The following SPATA31H1 variants were observed in gnomAD, a reference collection of about 807,000 sequenced individuals.
SPATA31H1 encodes SPATA31 subfamily H member 1.
the SPATA31H1 span, among the ~76,000 whole-genome samples, chr2:27,538,133 T>C: frequency 0.016 from 2,365 of 152,250 alleles, 59 homozygotes; most frequent in African/African-American, 0.051. Flanking sequence ...ATTGACAAGT[T>C]AACAGAGGTC....
chr2:27,576,983 A>G, the SPATA31H1 span: 35 of 1,613,990 alleles, frequency 2.2e-5, 1 homozygote, highest in South Asian at 3.8e-4. Flanking sequence ...AGATGATCCC[A>G]CAGCCAAAGT....
chr2:27,539,593 G>A, the SPATA31H1 span, among the ~76,000 whole-genome samples: 1 of 112,742 alleles, frequency 8.9e-6, no homozygotes. Flanking sequence ...CCACAAAACC[G>A]CCATTGTCAT....
At chr2:27,579,356 A>C in the SPATA31H1 span, 1 of 1,614,224 alleles carries the variant, frequency 6.2e-7, no homozygotes, top group East Asian at 2.2e-5. Context: ...TTCAGAATTT[A>C]TTTGGGATTC....
the SPATA31H1 span, chr2:27,571,184 T>G: frequency 2.5e-6 from 1 of 398,456 alleles, no homozygotes; most frequent in Non-Finnish European, 4.4e-6. Context: ...ATGTCAAATC[T>G]ATGACGTTAA....
chr2:27,546,298 A>G, the SPATA31H1 span, among the ~76,000 whole-genome samples: 196 of 152,054 alleles, frequency 1.3e-3, 3 homozygotes, highest in African/African-American at 4.5e-3. Flanking sequence ...ATACCCTTCT[A>G]TATTTCTTCT....
the SPATA31H1 span, among the ~76,000 whole-genome samples, chr2:27,564,820 T>G: frequency 6.6e-6 from 1 of 152,174 alleles, no homozygotes; most frequent in Non-Finnish European, 1.5e-5. Context: ...AAAAATTGTT[T>G]TATTTGAAAT....
At chr2:27,567,944 A>C in the SPATA31H1 span, 3 of 398,904 alleles carry the variant, frequency 7.5e-6, no homozygotes, top group Non-Finnish European at 1.3e-5. Flanking sequence ...AAGTTGTGAA[A>C]CCAATGGAAA....
chr2:27,556,182 CTGTAG>C, the SPATA31H1 span, among the ~76,000 whole-genome samples: 1 of 148,348 alleles, frequency 6.7e-6, no homozygotes, highest in South Asian at 2.1e-4. Context: ...ATTCAGCATT[CTGTAG>C]TGTACTTAAG....
the SPATA31H1 span, among the ~76,000 whole-genome samples, chr2:27,546,531 T>G: frequency 1.3e-5 from 2 of 151,910 alleles, no homozygotes; most frequent in African/African-American, 4.9e-5. Context: ...TAATGAAACG[T>G]TCTTATTCTT....
chr2:27,541,303 G>A, the SPATA31H1 span, among the ~76,000 whole-genome samples: 1 of 151,592 alleles, frequency 6.6e-6, no homozygotes, highest in Admixed American at 6.6e-5. Context: ...GCTGATGCAG[G>A]AGAATCAGGC....
the SPATA31H1 span, chr2:27,574,869 T>C: frequency 5.0e-6 from 2 of 398,308 alleles, no homozygotes; most frequent in Non-Finnish European, 8.9e-6. Context: ...CAGTTCTGGA[T>C]CACACTTGCA....
At chr2:27,580,913 C>A in the SPATA31H1 span, 2 of 1,614,188 alleles carry the variant, frequency 1.2e-6, no homozygotes, top group Non-Finnish European at 1.7e-6. Context: ...CTTACTCTTT[C>A]CAACCCAGAC....
the SPATA31H1 span, among the ~76,000 whole-genome samples, chr2:27,540,546 C>T: frequency 7.1e-6 from 1 of 141,542 alleles, no homozygotes; most frequent in East Asian, 2.3e-4. Flanking sequence ...CCACCTCCCT[C>T]CCGGTCGGGG....
At chr2:27,574,885 T>C in the SPATA31H1 span, 2 of 398,360 alleles carry the variant, frequency 5.0e-6, no homozygotes, top group African/African-American at 2.1e-5. Flanking sequence ...TTGCAAGGTA[T>C]GAAATCTTCT....
the SPATA31H1 span, chr2:27,579,049 C>T: frequency 6.2e-7 from 1 of 1,614,084 alleles, no homozygotes; most frequent in Non-Finnish European, 8.5e-7. Context: ...AAAGAGACAA[C>T]TAAGAGGAAG....
chr2:27,580,924 C>G, the SPATA31H1 span: 2 of 1,614,110 alleles, frequency 1.2e-6, no homozygotes, highest in Non-Finnish European at 8.5e-7. Flanking sequence ...CAACCCAGAC[C>G]TCTTCGACTG....
At chr2:27,568,063 C>T in the SPATA31H1 span, 1 of 398,852 alleles carries the variant, frequency 2.5e-6, no homozygotes, top group African/African-American at 2.1e-5. Flanking sequence ...AGGGTGGCCA[C>T]AAGATTACTG....
chr2:27,556,606 A>AT, the SPATA31H1 span, among the ~76,000 whole-genome samples: 31 of 145,100 alleles, frequency 2.1e-4, 1 homozygote, highest in African/African-American at 6.2e-4. Flanking sequence ...TTTCCATTAG[A>AT]TTTTTTTTAT....
the SPATA31H1 span, among the ~76,000 whole-genome samples, chr2:27,556,890 T>C: frequency 3.0e-5 from 3 of 98,448 alleles, no homozygotes; most frequent in East Asian, 7.9e-4. Flanking sequence ...CCTGGGTACT[T>C]AAGATTAGGG....
Sources: allele counts gnomAD v4.1 joint callset (sites outside exome capture counted in the v4.1 genomes callset), GRCh38; gene constraint gnomAD v4.1.1; transcripts MANE v1.5; gene names NCBI Gene and HGNC (gene_info 2026-07-23, HGNC 2026-07-21).